The following NIPBL variants were observed in gnomAD, a reference collection of about 807,000 sequenced individuals.
NIPBL encodes NIPBL cohesin loading factor.
NIPBL carries 19 observed loss-of-function variants against 321.8 expected under a neutral mutation model. That is an observed-to-expected ratio of 0.06 (90% confidence interval 0.04 to 0.09). NIPBL has a LOEUF of 0.09. Ranked by LOEUF, NIPBL falls within the 10% of genes least tolerant of loss-of-function variation. The pLI is 1.00. For missense variants in NIPBL, 2,210 were observed against 3,327.0 expected (o/e 0.66, Z 8.26); for synonymous variants, 1,106 against 1,114.1 (o/e 0.99, Z 0.14).
intron 10 of NIPBL, 49 bp from the exon 11 acceptor site, chr5:36,995,573 T>C: frequency 7.1e-7 from 1 of 1,417,250 alleles, no homozygotes; most frequent in Non-Finnish European, 9.9e-7. Context: ...AAATTTTCCT[T>C]TTATCTTCAG....
chr5:36,961,665 A>G, intron 5 of NIPBL, 82 bp downstream of exon 5: 1 of 917,642 alleles, frequency 1.1e-6, no homozygotes, highest in Non-Finnish European at 1.8e-6. Context: ...ACATTTAGGT[A>G]ATGGTGGATT....
chr5:36,920,637 A>C (rs1230663663), intron 1 of NIPBL, among the ~76,000 whole-genome samples: 1 of 152,162 alleles, frequency 6.6e-6, no homozygotes, highest in African/African-American at 2.4e-5. Context: ...GTTCTTTGCT[A>C]CTTAGTGGCT....
chr5:37,024,845 CTT>C, intron 30 of NIPBL, 126 bp downstream of exon 30: 2 of 739,078 alleles, frequency 2.7e-6, no homozygotes, highest in Non-Finnish European at 2.1e-6. Flanking sequence ...AGTTTATAAA[CTT>C]AAGAAAAATA....
chr5:36,942,521 C>G (rs2149585042), intron 1 of NIPBL, among the ~76,000 whole-genome samples: 1 of 148,748 alleles, frequency 6.7e-6, no homozygotes. Context: ...AGGCAGATCA[C>G]TTGAGGTCAG....
chr5:37,028,427 G>A (rs936912322), intron 32 of NIPBL, among the ~76,000 whole-genome samples: 6 of 135,660 alleles, frequency 4.4e-5, no homozygotes, highest in African/African-American at 1.7e-4. Flanking sequence ...TGCAACCTCC[G>A]CCTCCTGGGT....
At chr5:37,024,183 T>G (rs568225219) in intron 29 of NIPBL, among the ~76,000 whole-genome samples, 32 of 151,620 alleles carry the variant, frequency 2.1e-4, no homozygotes, top group Non-Finnish European at 3.5e-4. Context: ...AAAAAAGAAG[T>G]AACCATAAGA....
intron 1 of NIPBL, among the ~76,000 whole-genome samples, chr5:36,919,146 A>AT (rs1748718555): frequency 6.6e-6 from 1 of 151,990 alleles, no homozygotes; most frequent in Non-Finnish European, 1.5e-5. Context: ...ATCCATTTAC[A>AT]TTTTAATATA....
rs964780008 is a variant in NIPBL, at chr5:36,891,514, G to T, written c.-80+14336G>T. On this transcript the variant is annotated intron_variant, in intron 1 of 46. Coordinates refer to ENST00000282516, the MANE Select transcript of NIPBL (RefSeq NM_133433.4). ...ATATGCAAACTAAGTTTTGAAGGCT[G>T]TTAGTCATACTGTGGAGTCTGGGCC... Among the ~76,000 whole-genome samples, 7 of 152,110 alleles carry T rather than the reference G, an allele frequency of 4.6e-5. No homozygotes were observed. In the South Asian group the frequency reaches 1.4e-3, roughly 32 times the overall value.
rs900207537 is a variant in NIPBL at position 37,026,434 on chromosome 5, A to T, written c.5808+107A>T. ...ATAATGAGATATTTCATTAATCTTG[A>T]CATTTCGTACTGCTGCCTTTACTTT... On this transcript the variant is annotated intron_variant, in intron 31 of 46. Coordinates refer to ENST00000282516, the MANE Select transcript of NIPBL (RefSeq NM_133433.4). 77 of 727,254 alleles carry T rather than the reference A, an allele frequency of 1.1e-4. No homozygotes were observed. In the South Asian group the frequency reaches 1.1e-3, roughly 10 times the overall value. 45.1% of individuals were successfully genotyped at this position (727,254 alleles called of 1,614,324 possible).
chr5:36,912,518 T>G lies in NIPBL; in HGVS notation c.-80+35340T>G, dbSNP rs187135112. On this transcript the variant is annotated intron_variant, in intron 1 of 46. Transcript: ENST00000282516. ...TATTACTGATTTTTTTTTTTTTTTT[T>G]TGGGGATGGAATCTCACTGTCGCCC... is the stretch of plus-strand genomic sequence containing the variant. Among the ~76,000 whole-genome samples the G allele has an allele frequency of 5.7e-3, 866 of 151,732 alleles. 6 individuals are homozygous for G. The highest frequency in any genetic ancestry group is 0.019 in the African/African-American group (786 of 41,284).
chr5:36,952,053 T>TGTGTGTGTGCGC lies in NIPBL; in HGVS notation c.-79-1564_-79-1563insTGTGTGTGCGCG, dbSNP rs778597604. On this transcript the variant is annotated intron_variant, in intron 1 of 46. Coordinates refer to ENST00000282516, the MANE Select transcript of NIPBL (RefSeq NM_133433.4). ...GTGTGTGTGTGTGTGTGTGTGTGTG[T>TGTGTGTGTGCGC]GCGCGCGCGCGCGCGCGCGCATGTG... 7.9e-3 allele frequency among the ~76,000 whole-genome samples: 885 copies of TGTGTGTGTGCGC among 112,108 alleles called. 11 individuals are homozygous for TGTGTGTGTGCGC. Among genetic ancestry groups the TGTGTGTGTGCGC allele is most frequent in the Middle Eastern group, 0.017 (3 of 172 alleles). The allele number at this position is 112,108 out of a possible 152,430, so 73.5% of individuals were successfully genotyped here.
intron 30 of NIPBL, among the ~76,000 whole-genome samples, chr5:37,025,384 TTGTTTCATTATG>T (rs1464974422): frequency 6.6e-6 from 1 of 152,236 alleles, no homozygotes; most frequent in Non-Finnish European, 1.5e-5. Context: ...AATAAATACT[TTGTTTCATTATG>T]TTAAGTGAAA....
intron 1 of NIPBL, among the ~76,000 whole-genome samples, chr5:36,893,300 A>C (rs980569014): frequency 2.0e-5 from 3 of 152,232 alleles, no homozygotes; most frequent in South Asian, 4.1e-4. Flanking sequence ...TTAAAATGGC[A>C]GTAGCTTTTT....
chr5:37,049,401 T>G (rs1753293573), intron 40 of NIPBL, 100 bp downstream of exon 40: 2 of 1,295,654 alleles, frequency 1.5e-6, no homozygotes, highest in African/African-American at 2.9e-5. Flanking sequence ...TCGTTCCTCT[T>G]ACTCTTCTTT....
chr5:37,029,673 G>A (rs1750727980), intron 32 of NIPBL, among the ~76,000 whole-genome samples: 1 of 152,178 alleles, frequency 6.6e-6, no homozygotes, highest in South Asian at 2.1e-4. Flanking sequence ...TCCACCATCA[G>A]TGTATGAAAG....
At chr5:36,986,762 G>A (rs955631276) in intron 10 of NIPBL, among the ~76,000 whole-genome samples, 1 of 152,008 alleles carries the variant, frequency 6.6e-6, no homozygotes, top group African/African-American at 2.4e-5. Context: ...CATTTTGTTG[G>A]GGAGATGGTT....
intron 15 of NIPBL, 75 bp from the exon 16 acceptor site, chr5:37,003,186 A>G: frequency 1.1e-6 from 1 of 909,304 alleles, no homozygotes; most frequent in South Asian, 1.3e-5. Flanking sequence ...CAAAGGGAAT[A>G]ATTGTACAGA....
chr5:37,001,882 T>A (rs952965583), intron 14 of NIPBL, among the ~76,000 whole-genome samples: 1 of 152,210 alleles, frequency 6.6e-6, no homozygotes, highest in Non-Finnish European at 1.5e-5. Context: ...AAAGTAAGTA[T>A]TTGTTTTGTG....
chr5:36,908,356 C>T (rs1747800461), intron 1 of NIPBL, among the ~76,000 whole-genome samples: 2 of 152,106 alleles, frequency 1.3e-5, no homozygotes, highest in South Asian at 4.1e-4. Flanking sequence ...CCACATTTTG[C>T]ATATTATGGA....
Sources: allele counts gnomAD v4.1 joint callset (sites outside exome capture counted in the v4.1 genomes callset), GRCh38; gene constraint gnomAD v4.1.1; transcripts MANE v1.5; gene names NCBI Gene and HGNC (gene_info 2026-07-23, HGNC 2026-07-21).